Variants in LHX6 observed in about 807,000 individuals in gnomAD.
The protein encoded by LHX6 is LIM homeobox 6, also known as LIM/homeobox protein Lhx6.
A neutral mutation model predicts 47.1 loss-of-function variants in LHX6; 15 were observed. The observed-to-expected ratio is 0.32, with a 90% CI of 0.21 to 0.49. LHX6 has a LOEUF of 0.49. Ranked by LOEUF, LHX6 falls within the 20% of genes least tolerant of loss-of-function variation. The pLI is 0.99. For synonymous variants in LHX6, 242 were observed against 233.5 expected (o/e 1.04, Z -0.33); for missense variants, 404 against 539.6 (o/e 0.75, Z 2.49).
chr9:122,223,857 A>C (rs73553384), intron 4 of LHX6, among the ~76,000 whole-genome samples: 5,688 of 152,240 alleles, frequency 0.037, 390 homozygotes, highest in African/African-American at 0.13. Flanking sequence ...AGTAGTGAAT[A>C]AGACTGCCAA....
intron 8 of LHX6, among the ~76,000 whole-genome samples, chr9:122,212,343 C>T (rs1308439990): frequency 6.6e-6 from 1 of 152,112 alleles, no homozygotes; most frequent in Non-Finnish European, 1.5e-5. Context: ...TACAGTGGGC[C>T]CTTGGTTTCC....
chr9:122,209,694 G>C lies in LHX6; in HGVS notation c.1078C>G (p.His360Asp). The C allele has an allele frequency of 1.1e-6, 1 of 929,706 alleles. No individual in the cohort carries two copies. The highest frequency in any genetic ancestry group is 1.8e-6 in the Non-Finnish European group (1 of 554,488). The allele number at this position is 929,706 out of a possible 1,614,324, so 57.6% of individuals were successfully genotyped here. The change falls in exon 9 of 10, where the codon CAC becomes GAC. Residue 360 changes from histidine to aspartate, a missense_variant. Physicochemically the swap from His to Asp is moderately conservative, Grantham distance 81 (BLOSUM62 -1). Coordinates refer to ENST00000394319, the MANE Select transcript of LHX6 (RefSeq NM_014368.5). ...IESQVQCGQV[H>D]CRLPYTAPPV... ...GGTGCGGTGTAAGGCAGCCGGCAGT[G>C]CACCTGCCCGCACTGTACCTGACCT...
At chr9:122,227,166 A>T in intron 2 of LHX6, 136 bp from the exon 3 acceptor site, 1 of 884,016 alleles carries the variant, frequency 1.1e-6, no homozygotes, top group South Asian at 1.9e-5. Context: ...AGACTGAAGG[A>T]CAGGGATGGA....
At position 122,226,574 on chromosome 9, in the gene LHX6, T is replaced by G; in HGVS notation, c.340-77A>C. 3.4e-5 allele frequency: 53 copies of G among 1,559,640 alleles called. No individual in the cohort carries two copies. Among genetic ancestry groups the G allele is most frequent in the Non-Finnish European group, 4.6e-5 (53 of 1,158,864 alleles). Reference sequence around the variant, plus strand: ...CGGGCCCCAGCCTTCCCGGTCTCATTTACAGTCAGAGGCGCTGAAGCTCAG... The same window carrying G: ...CGGGCCCCAGCCTTCCCGGTCTCATGTACAGTCAGAGGCGCTGAAGCTCAG... On this transcript the variant is annotated intron_variant, in intron 3 of 9. Coordinates refer to ENST00000394319, the MANE Select transcript of LHX6 (RefSeq NM_014368.5). The surrounding 1 kb of genome is among the most constrained non-coding windows in gnomAD (Gnocchi z 6.5).
At chr9:122,223,227 G>A (rs1830946779) in intron 4 of LHX6, among the ~76,000 whole-genome samples, 1 of 152,206 alleles carries the variant, frequency 6.6e-6, no homozygotes, top group African/African-American at 2.4e-5. Flanking sequence ...ATGATCAGAA[G>A]AGCCACAATT....
intron 4 of LHX6, among the ~76,000 whole-genome samples, chr9:122,220,055 T>G (rs769289336): frequency 6.6e-6 from 1 of 152,216 alleles, no homozygotes; most frequent in Non-Finnish European, 1.5e-5. Flanking sequence ...TGCGCTTGGC[T>G]CGTGGGATTC....
chr9:122,223,273 C>A (rs1830949759), intron 4 of LHX6, among the ~76,000 whole-genome samples: 1 of 152,200 alleles, frequency 6.6e-6, no homozygotes, highest in African/African-American at 2.4e-5. Context: ...CTTTTACTGC[C>A]TCCATTTTCT....
Position 122,214,242 on chromosome 9 carries a change from G to GCCCGGC in LHX6, c.783+35_783+40dup, listed in dbSNP as rs1767965322. On this transcript the variant is annotated intron_variant, in intron 6 of 9. Transcript: ENST00000394319. The surrounding 1 kb of genome is among the most constrained non-coding windows in gnomAD (Gnocchi z 4.6). The stretch of plus-strand genomic sequence containing the variant: ...ACATTGTCGGCCCCGCCCACTTTCG[G>GCCCGGC]CCCGGCCCCCGCCCCCGCCGCCCAC... The GCCCGGC allele has an allele frequency of 6.6e-7, 1 of 1,516,536 alleles. No individual in the cohort carries two copies. Among genetic ancestry groups the GCCCGGC allele is most frequent in the South Asian group, 1.2e-5 (1 of 81,994 alleles). 93.9% of individuals were successfully genotyped at this position (1,516,536 alleles called of 1,614,324 possible). A position where few individuals can be genotyped will look rare whatever the true frequency, so the allele number is the denominator to read the frequency against.
intron 5 of LHX6, among the ~76,000 whole-genome samples, chr9:122,215,742 G>A (rs1830571828): frequency 6.6e-6 from 1 of 152,184 alleles, no homozygotes; most frequent in Admixed American, 6.5e-5. Flanking sequence ...GACCCACTTA[G>A]TCCTGATCCT....
rs1020082176 is a variant in LHX6 at position 122,226,550 on chromosome 9, G to A, written c.340-53C>T. 5 of 1,583,220 alleles carry A rather than the reference G, an allele frequency of 3.2e-6. No homozygotes were observed. The highest frequency in any genetic ancestry group is 4.3e-6 in the Non-Finnish European group (5 of 1,170,154). On this transcript the variant is annotated intron_variant, in intron 3 of 9. Coordinates refer to ENST00000394319, the MANE Select transcript of LHX6 (RefSeq NM_014368.5). This position sits in a 1 kb window ranked among gnomAD's most constrained non-coding sequence, Gnocchi z 6.5. ...GCTCAGCGCGGGCCTCTTTCACTCC[G>A]GGCCCCAGCCTTCCCGGTCTCATTT...
chr9:122,226,264 G>A lies in LHX6; in HGVS notation c.461+112C>T. 7.3e-7 allele frequency: 1 copy of A among 1,371,252 alleles called. No homozygotes were observed. The highest frequency in any genetic ancestry group is 1.4e-5 in the South Asian group (1 of 70,370). The allele number at this position is 1,371,252 out of a possible 1,614,324, so 84.9% of individuals were successfully genotyped here. On this transcript the variant is annotated intron_variant, in intron 4 of 9. Coordinates refer to ENST00000394319, the MANE Select transcript of LHX6 (RefSeq NM_014368.5). The surrounding 1 kb of genome is among the most constrained non-coding windows in gnomAD (Gnocchi z 6.5). The stretch of plus-strand genomic sequence containing the variant: ...TGGACCAGCGCTGCGCGCCGGAAGT[G>A]CACTCGGGACGCCGGGGTTCTGGAG...
At chr9:122,222,003 A>C (rs1329740376) in intron 4 of LHX6, among the ~76,000 whole-genome samples, 1 of 152,228 alleles carries the variant, frequency 6.6e-6, no homozygotes, top group Non-Finnish European at 1.5e-5. Flanking sequence ...AGAGTATCAT[A>C]CACACAAGGT....
rs950427779 is a variant in LHX6 at position 122,228,704 on chromosome 9, G to A, written c.37C>T (p.Pro13Ser). 2 of 1,292,136 alleles carry A rather than the reference G, an allele frequency of 1.5e-6. No individual in the cohort carries two copies. The highest frequency in any genetic ancestry group is 2.7e-5 in the South Asian group (1 of 37,428). 80.0% of individuals were successfully genotyped at this position (1,292,136 alleles called of 1,614,324 possible). A position where few individuals can be genotyped will look rare whatever the true frequency, so the allele number is the denominator to read the frequency against. ...TCGGCCGGCAGCCGGCAGCCCTCGG[G>A]CAACGCCGGGGCGGCGTTCTCATGC... Reference protein sequence around the residue: ...WKHENAAPALPEGCRLPAEGG... With the variant: ...WKHENAAPALSEGCRLPAEGG... The change falls in exon 1 of 10, where the codon CCC becomes TCC. Residue 13 changes from proline (P) to serine (S), a missense_variant. Pro to Ser is a moderately conservative substitution (Grantham distance 74). Around this residue, in one of 7 missense-constraint regions of LHX6, gnomAD observed 144 missense variants for 128.7 expected, o/e 1.12. Transcript: ENST00000394319.
At chr9:122,212,464 C>A (rs1830433366) in intron 8 of LHX6, among the ~76,000 whole-genome samples, 1 of 152,178 alleles carries the variant, frequency 6.6e-6, no homozygotes, top group Non-Finnish European at 1.5e-5. Flanking sequence ...TTCTTTTTCC[C>A]TCTTACATGG....
Position 122,228,827 on chromosome 9 carries a change from T to C in LHX6, c.-87A>G. 2 of 923,120 alleles carry C rather than the reference T, an allele frequency of 2.2e-6. No individual in the cohort carries two copies. Among genetic ancestry groups the C allele is most frequent in the Non-Finnish European group, 2.8e-6 (2 of 717,482 alleles). 57.2% of individuals were successfully genotyped at this position (923,120 alleles called of 1,614,324 possible). ...CAGCCGCAGTGGGAGCAGAGGCTGC[T>C]GCAGGAGCAGGAGGAGAGCCGAGGC... On this transcript the variant is annotated 5_prime_UTR_variant, in exon 1 of 10. Coordinates refer to ENST00000394319, the MANE Select transcript of LHX6 (RefSeq NM_014368.5).
chr9:122,221,052 G>A, intron 4 of LHX6: 1 of 982,006 alleles, frequency 1.0e-6, no homozygotes, highest in Non-Finnish European at 1.2e-6. Context: ...TAGTTACCAA[G>A]CTATTGAGCC....
At chr9:122,215,839 T>G (rs1459599042) in intron 5 of LHX6, among the ~76,000 whole-genome samples, 1 of 152,046 alleles carries the variant, frequency 6.6e-6, no homozygotes, top group African/African-American at 2.4e-5. Flanking sequence ...GACCTAGAAG[T>G]TGAGGCAGGG....
Position 122,214,506 on chromosome 9 carries a change from G to C in LHX6, c.683-123C>G, listed in dbSNP as rs1830525111. ...GGAGCGGGAGTTGGCTGGGAGCAGGGATCCCAGGGTCCTAGTCCCTGAGCT... is the reference window on the plus strand; with the variant it reads ...GGAGCGGGAGTTGGCTGGGAGCAGGCATCCCAGGGTCCTAGTCCCTGAGCT... On this transcript the variant is annotated intron_variant, in intron 5 of 9. Transcript: ENST00000394319. This position sits in a 1 kb window ranked among gnomAD's most constrained non-coding sequence, Gnocchi z 4.6. 3.0e-6 allele frequency: 4 copies of C among 1,337,872 alleles called. No homozygotes were observed. Among genetic ancestry groups the C allele is most frequent in the Non-Finnish European group, 3.9e-6 (4 of 1,030,160 alleles). The allele number at this position is 1,337,872 out of a possible 1,614,324, so 82.9% of individuals were successfully genotyped here. A position where few individuals can be genotyped will look rare whatever the true frequency, so the allele number is the denominator to read the frequency against.
At chr9:122,220,605 G>A (rs931567585) in intron 4 of LHX6, among the ~76,000 whole-genome samples, 3 of 152,258 alleles carry the variant, frequency 2.0e-5, no homozygotes, top group African/African-American at 7.2e-5. Context: ...GCACCAAAGG[G>A]ATTAGGGGGT....
Sources: allele counts gnomAD v4.1 joint callset (sites outside exome capture counted in the v4.1 genomes callset), GRCh38; gene constraint gnomAD v4.1.1; regional missense constraint gnomAD v4.1.1; non-coding constraint Gnocchi (gnomAD v3.1); transcripts MANE v1.5; gene names NCBI Gene and HGNC (gene_info 2026-07-23, HGNC 2026-07-21).